The following PTPRF variants were observed in gnomAD, a reference collection of about 807,000 sequenced individuals.
PTPRF encodes the protein receptor-type tyrosine-protein phosphatase F.
In PTPRF, 59 loss-of-function variants were observed where a neutral mutation model predicts 201.8. That is an observed-to-expected ratio of 0.29 (90% CI 0.24 to 0.36). The LOEUF (loss-of-function observed/expected upper bound fraction) is 0.36. Ranked by LOEUF, PTPRF falls within the 10% of genes least tolerant of loss-of-function variation. The pLI, the probability that PTPRF is intolerant of heterozygous loss-of-function variation, is 1.00. For synonymous variants in PTPRF, 1,088 were observed against 1,089.7 expected (o/e 1.00, Z 0.03); for missense variants, 2,132 against 2,690.5 (o/e 0.79, Z 4.59).
chr1:43,522,715 A>G (rs1248872459), upstream of PTPRF, among the ~76,000 whole-genome samples: 1 of 152,192 alleles, frequency 6.6e-6, no homozygotes, highest in Non-Finnish European at 1.5e-5. Context: ...TCTTCTAGAA[A>G]GAATGGGGAG....
chr1:43,615,844 C>T (rs1282605183), intron 23 of PTPRF, among the ~76,000 whole-genome samples: 1 of 152,152 alleles, frequency 6.6e-6, no homozygotes, highest in East Asian at 1.9e-4. Flanking sequence ...GGATTACAGG[C>T]GTGAGCCACT....
chr1:43,583,704 G>T (rs983387739), intron 7 of PTPRF, among the ~76,000 whole-genome samples: 1 of 152,150 alleles, frequency 6.6e-6, no homozygotes, highest in South Asian at 2.1e-4. Flanking sequence ...GCCTCAGGGA[G>T]CTTGGTGTCC....
At chr1:43,536,101 A>G (rs750440489) in intron 1 of PTPRF, among the ~76,000 whole-genome samples, 13 of 152,256 alleles carry the variant, frequency 8.5e-5, no homozygotes, top group South Asian at 8.3e-4. Context: ...GTCCTGAACC[A>G]TTCAGGCCCT....
At chr1:43,577,785 G>T (rs1372597059) in intron 6 of PTPRF, among the ~76,000 whole-genome samples, 1 of 152,108 alleles carries the variant, frequency 6.6e-6, no homozygotes, top group African/African-American at 2.4e-5. Context: ...GTCCTGTGGG[G>T]GTTCTTAACT....
At chr1:43,591,747 C>T in intron 9 of PTPRF, 65 bp from the exon 10 acceptor site, 2 of 1,591,358 alleles carry the variant, frequency 1.3e-6, no homozygotes, top group South Asian at 2.3e-5. Context: ...CCTCGGCTCC[C>T]TCCTCCCTGG....
At chr1:43,601,781 C>T (rs1653808980) in intron 13 of PTPRF, among the ~76,000 whole-genome samples, 1 of 152,226 alleles carries the variant, frequency 6.6e-6, no homozygotes, top group Non-Finnish European at 1.5e-5. Flanking sequence ...GCATCTGTAG[C>T]TGCTTTGTGT....
chr1:43,621,943 T>A lies in PTPRF; in HGVS notation c.5664T>A (p.Tyr1888Ter). 2 of 1,614,136 alleles carry A rather than the reference T, an allele frequency of 1.2e-6. No individual in the cohort carries two copies. Among genetic ancestry groups the A allele is most frequent in the Non-Finnish European group, 1.7e-6 (2 of 1,179,996 alleles). ...RPAMVQTEDQ[Y>*]QLCYRAALEY... ...GCCCCCTATCCTGGCAGGACCAGTA[T>A]CAGCTGTGCTACCGTGCGGCCCTGG... Residue 1888 changes from tyrosine to a stop codon, truncating the protein, a stop_gained, in exon 34 of 34, where the codon TAT becomes TAA. Coordinates refer to ENST00000359947, the MANE Select transcript of PTPRF (RefSeq NM_002840.5). LOFTEE classifies it high-confidence loss of function.
intron 14 of PTPRF, among the ~76,000 whole-genome samples, chr1:43,602,653 C>G (rs994568798): frequency 2.6e-5 from 4 of 152,174 alleles, no homozygotes; most frequent in Non-Finnish European, 4.4e-5. Context: ...CCACTCTTCT[C>G]TCTGTGTGGT....
At chr1:43,589,128 C>T in intron 8 of PTPRF, 128 bp downstream of exon 8, 2 of 1,188,922 alleles carry the variant, frequency 1.7e-6, no homozygotes, top group South Asian at 1.9e-5. Flanking sequence ...CCTGGGTGTC[C>T]CTGCCCTGGG....
intron 22 of PTPRF, among the ~76,000 whole-genome samples, chr1:43,610,939 C>G (rs555693672): frequency 1.3e-5 from 2 of 152,338 alleles, no homozygotes; most frequent in South Asian, 2.1e-4. Context: ...CCTATGGTTG[C>G]TTTTGCACTG....
chr1:43,542,655 T>C lies in PTPRF; in HGVS notation c.-45-2376T>C, dbSNP rs74071957. Reference sequence around the variant, plus strand: ...GAAGTCTGTAACAGCACGTTACACCTCTGCTAATGTATGGGGAGTTGCACC... The same window carrying C: ...GAAGTCTGTAACAGCACGTTACACCCCTGCTAATGTATGGGGAGTTGCACC... On this transcript the variant is annotated intron_variant, in intron 2 of 33. Transcript: ENST00000359947. This position sits in a 1 kb window ranked among gnomAD's most constrained non-coding sequence, Gnocchi z 5.2. Among the ~76,000 whole-genome samples, 2,384 of 152,178 alleles carry C rather than the reference T, an allele frequency of 0.016. 67 individuals carry two copies. The highest frequency in any genetic ancestry group is 0.054 in the African/African-American group (2,237 of 41,486).
chr1:43,552,203 C>G lies in PTPRF; in HGVS notation c.92-1289C>G, dbSNP rs79705791. On this transcript the variant is annotated intron_variant, in intron 3 of 33. Coordinates refer to ENST00000359947, the MANE Select transcript of PTPRF (RefSeq NM_002840.5). ...ACCTGTACTTCCCTCTCTCCCTCAT[C>G]GCCTCCCAGTCATTCTTTGGCCTTC... 1.4e-3 allele frequency among the ~76,000 whole-genome samples: 218 copies of G among 152,322 alleles called. 3 individuals are homozygous for G. In the East Asian group the frequency reaches 0.038, roughly 27 times the overall value.
rs1373828556 is a variant in PTPRF, at chr1:43,598,717, C to A, written c.2120-3C>A. ...TGACTTCCTTCTCTACCTGACCCCC[C>A]AGTGCCCAGCGGGCCTCCGCGGAAG... is the stretch of plus-strand genomic sequence containing the variant. On this transcript the variant is annotated splice_polypyrimidine_tract_variant and splice_region_variant and intron_variant, in intron 12 of 33. Transcript: ENST00000359947. 1 of 1,611,390 alleles carries A rather than the reference C, an allele frequency of 6.2e-7. No homozygotes were observed. The highest frequency in any genetic ancestry group is 8.5e-7 in the Non-Finnish European group (1 of 1,178,012).
At chr1:43,615,215 G>A (rs888406298) in intron 23 of PTPRF, among the ~76,000 whole-genome samples, 14 of 152,218 alleles carry the variant, frequency 9.2e-5, no homozygotes, top group Non-Finnish European at 1.8e-4. Flanking sequence ...CACAGCAACC[G>A]TGCTGCCTCT....
In PTPRF at chr1:43,591,841, G is replaced by A. The variant is rs778628256; in HGVS notation, c.1561G>A (p.Glu521Lys). The part of the protein sequence containing the change: ...VPAQPADFQA[E>K]VESDTRIQLS... The stretch of plus-strand genomic sequence containing the variant: ...TGCCCAGCCCGCGGACTTCCAGGCC[G>A]AGGTGGAGTCGGACACCAGGATCCA... The change falls in exon 10 of 34, where the codon GAG becomes AAG. Residue 521 changes from glutamate (E) to lysine (K), a missense_variant. Glu to Lys is a moderately conservative substitution (Grantham distance 56). Coordinates refer to ENST00000359947, the MANE Select transcript of PTPRF (RefSeq NM_002840.5). 3.4e-5 allele frequency: 55 copies of A among 1,613,290 alleles called. No homozygotes were observed. The highest frequency in any genetic ancestry group is 4.5e-5 in the East Asian group (2 of 44,890).
intron 11 of PTPRF, among the ~76,000 whole-genome samples, chr1:43,594,821 CT>C (rs1250719452): frequency 2.0e-5 from 3 of 152,142 alleles, no homozygotes; most frequent in African/African-American, 7.2e-5. Flanking sequence ...CGTGTGCCAT[CT>C]ACATGGCAGT....
At position 43,598,748 on chromosome 1, in the gene PTPRF, G is replaced by T. The variant is rs1653009502; in HGVS notation, c.2148G>T (p.Glu716Asp). 6.2e-7 allele frequency: 1 copy of T among 1,613,996 alleles called. No homozygotes were observed. Among genetic ancestry groups the T allele is most frequent in the African/African-American group, 1.3e-5 (1 of 75,050 alleles). Reference protein sequence around the residue: ...DVPSGPPRKVEVEPLNSTAVH... With the variant: ...DVPSGPPRKVDVEPLNSTAVH... ...CCAGCGGGCCTCCGCGGAAGGTGGA[G>T]GTGGAGCCACTGAACTCCACTGCTG... The change falls in exon 13 of 34, where the codon GAG becomes GAT. Residue 716 changes from glutamate to aspartate, a missense_variant. Coordinates refer to ENST00000359947, the MANE Select transcript of PTPRF (RefSeq NM_002840.5).
At chr1:43,545,457 C>T (rs1197023379) in intron 3 of PTPRF, among the ~76,000 whole-genome samples, 1 of 152,036 alleles carries the variant, frequency 6.6e-6, no homozygotes, top group Non-Finnish European at 1.5e-5. Flanking sequence ...GTGATGTGCG[C>T]GTGTGTGTGC....
At chr1:43,559,237 G>A (rs1025599772) in intron 5 of PTPRF, among the ~76,000 whole-genome samples, 26 of 152,168 alleles carry the variant, frequency 1.7e-4, no homozygotes, top group African/African-American at 5.3e-4. Context: ...GGTGTGCAGC[G>A]GTCAGCGCAC....
Sources: gnomAD v4.1 joint callset for allele counts (sites outside exome capture counted in the v4.1 genomes callset) on GRCh38, gnomAD v4.1.1 for gene constraint, Gnocchi (gnomAD v3.1) non-coding constraint, MANE v1.5 for transcripts, NCBI Gene and HGNC (gene_info 2026-07-23, HGNC 2026-07-21) for gene names.